Variants in PRPSAP1 observed in about 807,000 individuals in gnomAD.
PRPSAP1 encodes the protein phosphoribosyl pyrophosphate synthase-associated protein 1.
Under a neutral mutation model 39.4 loss-of-function variants are expected in PRPSAP1, and 31 were observed. That is an observed-to-expected ratio of 0.79 (90% confidence interval 0.59 to 1.06). The LOEUF is 1.06. PRPSAP1 is among the 50% of genes least tolerant of loss of function. The probability of loss-of-function intolerance (pLI) is 0.00; values close to 1 mark genes in which losing one functional copy is unlikely to be tolerated. For synonymous variants in PRPSAP1, 212 were observed against 192.6 expected (o/e 1.10, Z -0.83); for missense variants, 430 against 511.6 (o/e 0.84, Z 1.54).
intron 6 of PRPSAP1, among the ~76,000 whole-genome samples, chr17:76,329,756 A>C (rs898267889): frequency 9.9e-5 from 15 of 152,106 alleles, no homozygotes; most frequent in Admixed American, 3.3e-4. Flanking sequence ...CAAAAAAAAA[A>C]ACCATTGCTT....
Position 76,311,679 on chromosome 17 carries a change from G to A in PRPSAP1, c.1021C>T (p.Pro341Ser), listed in dbSNP as rs2071072291. ...VDEVVVTNTV[P>S]HEVQKLQCPK... Reference sequence around the variant, plus strand: ...CATTGCAGCTTCTGAACCTCATGAGGGACAGTATTCGTCACCACCACCTAG... The same window carrying A: ...CATTGCAGCTTCTGAACCTCATGAGAGACAGTATTCGTCACCACCACCTAG... The change falls in exon 10 of 10, where the codon CCT becomes TCT. Residue 341 changes from proline to serine, a missense_variant. Around this residue, in one of 2 missense-constraint regions of PRPSAP1, gnomAD observed 278 missense variants for 376.3 expected, o/e 0.74. Coordinates refer to ENST00000446526, the MANE Select transcript of PRPSAP1 (RefSeq NM_002766.3). 1 of 1,613,806 alleles carries A rather than the reference G, an allele frequency of 6.2e-7. No homozygotes were observed. The highest frequency in any genetic ancestry group is 8.5e-7 in the Non-Finnish European group (1 of 1,179,930).
At chr17:76,334,399 G>T (rs578017345) in intron 3 of PRPSAP1, among the ~76,000 whole-genome samples, 1 of 152,314 alleles carries the variant, frequency 6.6e-6, no homozygotes, top group East Asian at 1.9e-4. Context: ...GAAATACTCA[G>T]CAAGAGATGC....
chr17:76,328,027 G>T lies in PRPSAP1; in HGVS notation c.781+690C>A, dbSNP rs188751097. Among the ~76,000 whole-genome samples, 369 of 149,342 alleles carry T rather than the reference G, an allele frequency of 2.5e-3. 3 individuals carry two copies. Among genetic ancestry groups the T allele is most frequent in the African/African-American group, 8.8e-3 (358 of 40,680 alleles). On this transcript the variant is annotated intron_variant, in intron 7 of 9. Coordinates refer to ENST00000446526, the MANE Select transcript of PRPSAP1 (RefSeq NM_002766.3). Reference sequence around the variant, plus strand: ...AGGGAGCCCCGTCTCCATACAAAAAGAAAAAAAAAGGAACAGAAAACTATC... The same window carrying T: ...AGGGAGCCCCGTCTCCATACAAAAATAAAAAAAAAGGAACAGAAAACTATC...
Position 76,349,061 on chromosome 17 carries a change from A to G in PRPSAP1, c.171-480T>C, listed in dbSNP as rs150208116. ...CGTGGTGGCTGATGCCTGTAATCCC[A>G]GCACTTTGGGAGGCCAAGGCGGGCG... On this transcript the variant is annotated intron_variant, in intron 1 of 9. Coordinates refer to ENST00000446526, the MANE Select transcript of PRPSAP1 (RefSeq NM_002766.3). Among the ~76,000 whole-genome samples, 394 of 152,306 alleles carry G rather than the reference A, an allele frequency of 2.6e-3. 1 individual carries two copies. Among genetic ancestry groups the G allele is most frequent in the African/African-American group, 8.3e-3 (346 of 41,580 alleles).
At chr17:76,315,948 C>T (rs1169099563) in intron 7 of PRPSAP1, among the ~76,000 whole-genome samples, 4 of 151,416 alleles carry the variant, frequency 2.6e-5, no homozygotes. Context: ...GAGGCCAAGG[C>T]AGGCGGATCA....
chr17:76,317,628 C>G (rs143516027), intron 7 of PRPSAP1, among the ~76,000 whole-genome samples: 1 of 152,192 alleles, frequency 6.6e-6, no homozygotes, highest in African/African-American at 2.4e-5. Context: ...GCAAACAAAT[C>G]AAAATTTACA....
intron 7 of PRPSAP1, among the ~76,000 whole-genome samples, chr17:76,320,684 C>T (rs1288315870): frequency 6.6e-6 from 1 of 151,198 alleles, no homozygotes; most frequent in Admixed American, 6.6e-5. Flanking sequence ...ATGCACCCAC[C>T]TCGGCCTCCC....
intron 3 of PRPSAP1, among the ~76,000 whole-genome samples, chr17:76,341,148 T>C (rs1271500069): frequency 2.0e-5 from 3 of 152,026 alleles, no homozygotes; most frequent in African/African-American, 7.2e-5. Context: ...ACCAACTCAG[T>C]TCAGTCTTTT....
intron 2 of PRPSAP1, chr17:76,346,140 T>C: frequency 3.6e-6 from 1 of 276,010 alleles, no homozygotes; most frequent in Non-Finnish European, 7.2e-6. Context: ...TTCTGGTGAC[T>C]GTACAGTTTG....
chr17:76,328,938 T>C lies in PRPSAP1; in HGVS notation c.636-76A>G, dbSNP rs548753066. On this transcript the variant is annotated intron_variant, in intron 6 of 9. Transcript: ENST00000446526. ...TCACTACGGCATCATTTTTTAACCA[T>C]AAAATGAAAATATTTAACGTTTCAG... 7.5e-6 allele frequency: 11 copies of C among 1,461,334 alleles called. No individual in the cohort carries two copies. In the African/African-American group the frequency reaches 8.6e-5, roughly 11 times the overall value. 90.5% of individuals were successfully genotyped at this position (1,461,334 alleles called of 1,614,324 possible). A position where few individuals can be genotyped will look rare whatever the true frequency, so the allele number is the denominator to read the frequency against.
chr17:76,321,197 A>C (rs1220810841), intron 7 of PRPSAP1, among the ~76,000 whole-genome samples: 8 of 152,010 alleles, frequency 5.3e-5, no homozygotes, highest in Admixed American at 3.3e-4. Context: ...TGGTATCTGT[A>C]ATCAGTGATC....
rs1004074508 is a variant in PRPSAP1, at chr17:76,310,974, T to C, written c.*568A>G. On this transcript the variant is annotated 3_prime_UTR_variant, in exon 10 of 10. Coordinates refer to ENST00000446526, the MANE Select transcript of PRPSAP1 (RefSeq NM_002766.3). ...ATTTGCAACTTCAGAGCCACTCAGATACCCAGAGGTGGGATGCTATTTTCT... is the reference window on the plus strand; with the variant it reads ...ATTTGCAACTTCAGAGCCACTCAGACACCCAGAGGTGGGATGCTATTTTCT... 6.6e-6 allele frequency: 1 copy of C among 152,212 alleles called. No individual in the cohort carries two copies. The highest frequency in any genetic ancestry group is 1.5e-5 in the Non-Finnish European group (1 of 68,050). The allele number at this position is 152,212 out of a possible 1,614,324, so 9.4% of individuals were successfully genotyped here.
chr17:76,338,031 A>G (rs972129244), intron 3 of PRPSAP1, among the ~76,000 whole-genome samples: 4 of 152,192 alleles, frequency 2.6e-5, no homozygotes, highest in African/African-American at 4.8e-5. Context: ...ATTGCTTGGT[A>G]TATCTGGAAA....
At chr17:76,338,279 C>T (rs2143520397) in intron 3 of PRPSAP1, among the ~76,000 whole-genome samples, 1 of 152,270 alleles carries the variant, frequency 6.6e-6, no homozygotes, top group African/African-American at 2.4e-5. Context: ...GGCAACTAAG[C>T]TTATTTTAAT....
intron 1 of PRPSAP1, among the ~76,000 whole-genome samples, chr17:76,352,665 AAAG>A (rs2071590200): frequency 1.3e-5 from 2 of 149,966 alleles, no homozygotes; most frequent in African/African-American, 2.5e-5. Context: ...AAAAAAAAAA[AAAG>A]AAAAGAAAAA....
At chr17:76,348,481 T>C (rs2071534218) in intron 2 of PRPSAP1, 48 bp downstream of exon 2, 2 of 1,233,604 alleles carry the variant, frequency 1.6e-6, no homozygotes, top group Admixed American at 3.7e-5. Context: ...TCAAAAAAAC[T>C]AAATAAATAA....
intron 4 of PRPSAP1, among the ~76,000 whole-genome samples, chr17:76,331,811 C>T (rs1301908397): frequency 6.6e-6 from 1 of 151,638 alleles, no homozygotes; most frequent in African/African-American, 2.4e-5. Context: ...GCCCCCGCCA[C>T]ACAAGGAGAA....
chr17:76,319,489 G>A (rs1219985769), intron 7 of PRPSAP1: 1 of 151,540 alleles, frequency 6.6e-6, no homozygotes, highest in Non-Finnish European at 1.5e-5. Context: ...TTTTTTTCTA[G>A]ACGGAGTCTT....
Position 76,353,715 on chromosome 17 carries a change from C to A in PRPSAP1, c.-12G>T. Reference sequence around the variant, plus strand: ...AGCTTCTTGGGCATCGTCCGGCCCGCGGCGCGGTTACGACCGGCCCCGCGC... The same window carrying A: ...AGCTTCTTGGGCATCGTCCGGCCCGAGGCGCGGTTACGACCGGCCCCGCGC... On this transcript the variant is annotated 5_prime_UTR_variant, in exon 1 of 10. Coordinates refer to ENST00000446526, the MANE Select transcript of PRPSAP1 (RefSeq NM_002766.3). The A allele has an allele frequency of 2.1e-6, 3 of 1,455,336 alleles. No homozygotes were observed. The highest frequency in any genetic ancestry group is 2.7e-6 in the Non-Finnish European group (3 of 1,111,574). 90.2% of individuals were successfully genotyped at this position (1,455,336 alleles called of 1,614,324 possible). A position where few individuals can be genotyped will look rare whatever the true frequency, so the allele number is the denominator to read the frequency against.
Sources: allele counts gnomAD v4.1 joint callset (sites outside exome capture counted in the v4.1 genomes callset), GRCh38; gene constraint gnomAD v4.1.1; regional missense constraint gnomAD v4.1.1; transcripts MANE v1.5; gene names NCBI Gene and HGNC (gene_info 2026-07-23, HGNC 2026-07-21).